Variants in EXOC6B observed in about 807,000 individuals in gnomAD.
EXOC6B encodes SEC15 homolog B.
In EXOC6B, 54 loss-of-function variants were observed where a neutral mutation model predicts 113.5. The ratio of observed to expected loss-of-function variants is 0.48; its 90% CI spans 0.38 to 0.60. The LOEUF is 0.60. EXOC6B is among the 20% of genes least tolerant of loss of function. EXOC6B has a pLI of 0.00. For synonymous variants in EXOC6B, 357 were observed against 339.0 expected, an observed-to-expected ratio of 1.05 and a Z score of -0.58; for missense variants, 797 against 977.5, an observed-to-expected ratio of 0.82 and a Z score of 2.46.
rs140250332 is a variant in EXOC6B, at chr2:72,355,127, T to C, written c.2123-20107A>G. Among the ~76,000 whole-genome samples the C allele has an allele frequency of 1.3e-5, 2 of 152,310 alleles. 1 individual carries two copies. The highest frequency in any genetic ancestry group is 3.9e-4 in the East Asian group (2 of 5,172). ...CACTTGAGTTTTCGGTATAATTTCT[T>C]ATATAAAATATCTGCAGTGTGCCAG... is the stretch of plus-strand genomic sequence containing the variant. On this transcript the variant is annotated intron_variant, in intron 19 of 21. Transcript: ENST00000272427.
At chr2:72,561,462 GTTC>G (rs1245501303) in intron 7 of EXOC6B, among the ~76,000 whole-genome samples, 2 of 151,870 alleles carry the variant, frequency 1.3e-5, no homozygotes, top group Non-Finnish European at 2.9e-5. Context: ...TTGTTTATAT[GTTC>G]TTCTTCATGT....
At chr2:72,263,726 A>T (rs1683876198) in intron 20 of EXOC6B, among the ~76,000 whole-genome samples, 1 of 152,200 alleles carries the variant, frequency 6.6e-6, no homozygotes, top group African/African-American at 2.4e-5. Flanking sequence ...TTATCCTGTT[A>T]TGCTGGAAAA....
intron 2 of EXOC6B, among the ~76,000 whole-genome samples, chr2:72,735,155 A>C (rs2104789979): frequency 6.6e-6 from 1 of 152,340 alleles, no homozygotes; most frequent in South Asian, 2.1e-4. Context: ...TTTATCCTAA[A>C]CTGGAGGTCT....
chr2:72,359,714 T>A (rs968974532), intron 19 of EXOC6B, among the ~76,000 whole-genome samples: 1 of 152,164 alleles, frequency 6.6e-6, no homozygotes, highest in Non-Finnish European at 1.5e-5. Flanking sequence ...CTGATATGTA[T>A]ACTTATTTGT....
chr2:72,408,367 T>G (rs1198118554), intron 18 of EXOC6B, among the ~76,000 whole-genome samples: 5 of 152,230 alleles, frequency 3.3e-5, no homozygotes, highest in East Asian at 1.9e-4. Context: ...AAAAACTACT[T>G]TAAAGTTCAT....
At chr2:72,288,580 T>A (rs1217965052) in intron 20 of EXOC6B, among the ~76,000 whole-genome samples, 1 of 152,138 alleles carries the variant, frequency 6.6e-6, no homozygotes, top group East Asian at 1.9e-4. Context: ...ATGTAATGTT[T>A]AATGAAAGAA....
chr2:72,504,170 C>T (rs1475788914), intron 11 of EXOC6B, among the ~76,000 whole-genome samples: 1 of 152,062 alleles, frequency 6.6e-6, no homozygotes. Flanking sequence ...GGCCTCCCAA[C>T]GTGCTGGCAT....
intron 8 of EXOC6B, among the ~76,000 whole-genome samples, chr2:72,536,762 T>C (rs1204048877): frequency 6.6e-6 from 1 of 152,206 alleles, no homozygotes; most frequent in African/African-American, 2.4e-5. Context: ...CAGCCACTAC[T>C]AGCCTATACA....
chr2:72,446,868 G>A (rs539959536), intron 18 of EXOC6B, among the ~76,000 whole-genome samples: 6 of 152,178 alleles, frequency 3.9e-5, no homozygotes, highest in South Asian at 2.1e-4. Context: ...TTGGGAGGCC[G>A]AGGCAGGCAG....
At chr2:72,790,097 C>T (rs1013923595) in intron 1 of EXOC6B, among the ~76,000 whole-genome samples, 12 of 152,210 alleles carry the variant, frequency 7.9e-5, no homozygotes, top group African/African-American at 2.9e-4. Context: ...GAATTCCCAT[C>T]TGGCAGCCAT....
chr2:72,204,865 A>T (rs1679736188), intron 20 of EXOC6B, among the ~76,000 whole-genome samples: 1 of 152,218 alleles, frequency 6.6e-6, no homozygotes, highest in African/African-American at 2.4e-5. Flanking sequence ...CACAGCTCTG[A>T]ACAAAAGAGA....
intron 6 of EXOC6B, among the ~76,000 whole-genome samples, chr2:72,626,428 T>C (rs1274897633): frequency 1.3e-5 from 2 of 152,218 alleles, no homozygotes; most frequent in African/African-American, 2.4e-5. Context: ...TTTTTAGAGG[T>C]ATCTTCTCTA....
chr2:72,482,887 A>G (rs377422472), intron 16 of EXOC6B, among the ~76,000 whole-genome samples: 1 of 152,198 alleles, frequency 6.6e-6, no homozygotes, highest in Non-Finnish European at 1.5e-5. Context: ...GCAAAAACAC[A>G]GCGATACAAT....
intron 20 of EXOC6B, among the ~76,000 whole-genome samples, chr2:72,185,879 C>T (rs1354747977): frequency 2.0e-5 from 3 of 152,078 alleles, no homozygotes; most frequent in Middle Eastern, 3.4e-3. Context: ...TCTCCTAATG[C>T]TATCCCTCCC....
At chr2:72,353,989 A>G (rs1177740361) in intron 19 of EXOC6B, among the ~76,000 whole-genome samples, 1 of 152,218 alleles carries the variant, frequency 6.6e-6, no homozygotes, top group Non-Finnish European at 1.5e-5. Flanking sequence ...ATGGAGCAGC[A>G]AGCTTCGGAT....
At chr2:72,596,624 G>A (rs988526632) in intron 6 of EXOC6B, among the ~76,000 whole-genome samples, 8 of 152,038 alleles carry the variant, frequency 5.3e-5, no homozygotes, top group Admixed American at 5.2e-4. Context: ...AAACTCTGAA[G>A]GTCACAGTCC....
chr2:72,333,413 T>G (rs1003465626), intron 20 of EXOC6B, among the ~76,000 whole-genome samples: 1 of 152,146 alleles, frequency 6.6e-6, no homozygotes, highest in Non-Finnish European at 1.5e-5. Context: ...CATTTTTCCT[T>G]GGTTGTGTTT....
Position 72,471,477 on chromosome 2 carries a change from A to G in EXOC6B, c.1801-6138T>C, listed in dbSNP as rs200661977. ...AAGCTCTTTAGTTTAATGAGATCCCATTTGTCAATTTTGTCTTTTGTTGCC... is the reference window on the plus strand; with the variant it reads ...AAGCTCTTTAGTTTAATGAGATCCCGTTTGTCAATTTTGTCTTTTGTTGCC... On this transcript the variant is annotated intron_variant, in intron 17 of 21. Transcript: ENST00000272427. Among the ~76,000 whole-genome samples, 429 of 152,176 alleles carry G rather than the reference A, an allele frequency of 2.8e-3. 2 individuals carry two copies. Among genetic ancestry groups the G allele is most frequent in the African/African-American group, 4.3e-3 (180 of 41,530 alleles).
At chr2:72,545,207 T>C (rs1365712868) in intron 8 of EXOC6B, among the ~76,000 whole-genome samples, 1 of 152,148 alleles carries the variant, frequency 6.6e-6, no homozygotes, top group Non-Finnish European at 1.5e-5. Context: ...TATTTGTTTA[T>C]TACCTTTCAC....
Sources: gnomAD v4.1 joint callset for allele counts (sites outside exome capture counted in the v4.1 genomes callset) on GRCh38, gnomAD v4.1.1 for gene constraint, MANE v1.5 for transcripts, NCBI Gene and HGNC (gene_info 2026-07-23, HGNC 2026-07-21) for gene names.